The following NOL4 variants were observed in gnomAD, a reference collection of about 807,000 sequenced individuals.
NOL4 encodes nucleolar protein 4, also known as cancer/testis antigen 125.
Under a neutral mutation model 75.9 loss-of-function variants are expected in NOL4, and 17 were observed. The ratio of observed to expected loss-of-function variants is 0.22; its 90% CI spans 0.15 to 0.34. The LOEUF (loss-of-function observed/expected upper bound fraction) is 0.34. Among genes scored for constraint, NOL4 ranks in the 10% least tolerant of loss-of-function variants. NOL4 has a pLI of 1.00. For missense variants in NOL4, 614 were observed against 793.5 expected, an observed-to-expected ratio of 0.77 and a Z score of 2.72; for synonymous variants, 292 against 289.9, an observed-to-expected ratio of 1.01 and a Z score of -0.07.
At chr18:34,163,349 C>G (rs947176229) in intron 1 of NOL4, among the ~76,000 whole-genome samples, 20 of 151,504 alleles carry the variant, frequency 1.3e-4, no homozygotes, top group African/African-American at 4.4e-4. Flanking sequence ...ACCCCACTGT[C>G]TCAGCCCAAA....
chr18:33,926,504 T>G (rs1286257390), intron 9 of NOL4, among the ~76,000 whole-genome samples: 1 of 152,162 alleles, frequency 6.6e-6, no homozygotes, highest in Admixed American at 6.5e-5. Flanking sequence ...ATGCTACATA[T>G]GTAGCAAAGA....
At position 33,950,009 on chromosome 18, in the gene NOL4, C is replaced by A. The variant is rs566362070; in HGVS notation, c.1429-6831G>T. On this transcript the variant is annotated intron_variant, in intron 8 of 10. Coordinates refer to ENST00000261592, the MANE Select transcript of NOL4 (RefSeq NM_003787.5). ...AAATATATTTTGTATATACTATATA[C>A]ACTGTATATATTCTGAAAGTTGAGT... Among the ~76,000 whole-genome samples, 763 of 151,572 alleles carry A rather than the reference C, an allele frequency of 5.0e-3. 2 individuals carry two copies. Among genetic ancestry groups the A allele is most frequent in the Non-Finnish European group, 8.5e-3 (578 of 67,834 alleles).
intron 10 of NOL4, among the ~76,000 whole-genome samples, chr18:33,864,152 C>T (rs67856638): frequency 0.15 from 22,977 of 152,136 alleles, 1,871 homozygotes; most frequent in Non-Finnish European, 0.18. Context: ...GACCTCCAGG[C>T]CTATGATGGG....
intron 10 of NOL4, among the ~76,000 whole-genome samples, chr18:33,856,806 C>A (rs2062857622): frequency 6.6e-6 from 1 of 152,008 alleles, no homozygotes; most frequent in Non-Finnish European, 1.5e-5. Context: ...CAGATTACAA[C>A]ATTCTCATGG....
chr18:34,015,500 C>T (rs1048148512), intron 6 of NOL4, among the ~76,000 whole-genome samples: 3 of 151,902 alleles, frequency 2.0e-5, no homozygotes, highest in Non-Finnish European at 4.4e-5. Flanking sequence ...TATCTAGTTA[C>T]TTTCATTTTC....
chr18:33,919,160 C>T (rs535001680), intron 9 of NOL4, among the ~76,000 whole-genome samples: 126 of 152,218 alleles, frequency 8.3e-4, no homozygotes, highest in Admixed American at 8.0e-3. Context: ...ACCTAATGAG[C>T]GTGTCATCTT....
chr18:34,206,240 T>C (rs893627390), intron 1 of NOL4, among the ~76,000 whole-genome samples: 7 of 151,560 alleles, frequency 4.6e-5, no homozygotes, highest in Admixed American at 6.6e-5. Flanking sequence ...TATCACAATA[T>C]CACATCTACA....
intron 6 of NOL4, among the ~76,000 whole-genome samples, chr18:33,984,448 C>T (rs2072263982): frequency 6.6e-6 from 1 of 152,010 alleles, no homozygotes; most frequent in African/African-American, 2.4e-5. Flanking sequence ...ATAATAATCC[C>T]CAGTGTTGGA....
At chr18:34,026,764 C>G (rs901758618) in intron 5 of NOL4, among the ~76,000 whole-genome samples, 1 of 152,114 alleles carries the variant, frequency 6.6e-6, no homozygotes, top group Non-Finnish European at 1.5e-5. Context: ...TACTGTTTCT[C>G]TCTCTTGCAT....
At chr18:34,174,541 T>C (rs531194268) in intron 1 of NOL4, among the ~76,000 whole-genome samples, 30 of 149,688 alleles carry the variant, frequency 2.0e-4, no homozygotes, top group Non-Finnish European at 3.7e-4. Flanking sequence ...CTTTTTTTAT[T>C]GTGTTTTAAG....
At chr18:34,176,886 C>T (rs1248188024) in intron 1 of NOL4, among the ~76,000 whole-genome samples, 1 of 152,004 alleles carries the variant, frequency 6.6e-6, no homozygotes, top group Non-Finnish European at 1.5e-5. Context: ...ACATCACAAA[C>T]TGTCAGTAGC....
chr18:33,921,326 G>A (rs1274933232), intron 9 of NOL4, among the ~76,000 whole-genome samples: 1 of 152,162 alleles, frequency 6.6e-6, no homozygotes, highest in Non-Finnish European at 1.5e-5. Flanking sequence ...TTCTGGGGAT[G>A]TTGGGATAGG....
At chr18:34,175,802 G>C (rs1412959039) in intron 1 of NOL4, among the ~76,000 whole-genome samples, 1 of 151,970 alleles carries the variant, frequency 6.6e-6, no homozygotes, top group Admixed American at 6.6e-5. Flanking sequence ...ATTAAATTTA[G>C]AAAATTTACT....
intron 5 of NOL4, among the ~76,000 whole-genome samples, chr18:34,027,435 C>T (rs896504482): frequency 5.3e-5 from 8 of 152,314 alleles, no homozygotes; most frequent in African/African-American, 1.9e-4. Context: ...AACACCTCTT[C>T]CTCTGAGGAG....
chr18:34,186,020 G>T (rs1015203400), intron 1 of NOL4, among the ~76,000 whole-genome samples: 5 of 152,134 alleles, frequency 3.3e-5, no homozygotes, highest in African/African-American at 1.2e-4. Flanking sequence ...TTCAGGAGAA[G>T]TCATCAAGCT....
chr18:33,901,014 C>T (rs1047737105), intron 9 of NOL4, among the ~76,000 whole-genome samples: 2 of 152,030 alleles, frequency 1.3e-5, no homozygotes, highest in African/African-American at 4.8e-5. Context: ...AGCTCAAATG[C>T]TTTGCAAGTT....
intron 9 of NOL4, among the ~76,000 whole-genome samples, chr18:33,914,285 T>C (rs932990015): frequency 3.3e-5 from 5 of 151,984 alleles, no homozygotes; most frequent in African/African-American, 1.2e-4. Context: ...AAGGAATAAG[T>C]GCAAAGACCC....
At chr18:34,103,936 TA>T (rs2079152000) in intron 4 of NOL4, 110 bp downstream of exon 4, 2 of 717,806 alleles carry the variant, frequency 2.8e-6, no homozygotes, top group Admixed American at 2.2e-5. Flanking sequence ...ATTCATTCAT[TA>T]AAAAATAAAT....
chr18:34,155,414 C>G (rs1436548002), intron 1 of NOL4, among the ~76,000 whole-genome samples: 1 of 151,880 alleles, frequency 6.6e-6, no homozygotes, highest in Non-Finnish European at 1.5e-5. Flanking sequence ...TGCAGGAAAA[C>G]TGAAGTTTGG....
Sources: allele counts gnomAD v4.1 joint callset (sites outside exome capture counted in the v4.1 genomes callset), GRCh38; gene constraint gnomAD v4.1.1; transcripts MANE v1.5; gene names NCBI Gene and HGNC (gene_info 2026-07-23, HGNC 2026-07-21).